SIMC1: variants seen among roughly 807,000 people sequenced by gnomAD.
The protein encoded by SIMC1 is SUMO interacting motifs containing 1, also known as SUMO-interacting motif-containing protein 1.
A neutral mutation model predicts 82.3 loss-of-function variants in SIMC1; 55 were observed. The observed-to-expected ratio is 0.67, with a 90% CI of 0.54 to 0.84. SIMC1 has a LOEUF of 0.84. Among genes scored for constraint, SIMC1 ranks in the 40% least tolerant of loss-of-function variants. SIMC1 has a pLI of 0.00. For missense variants in SIMC1, 915 were observed against 1,107.2 expected, an observed-to-expected ratio of 0.83 and a Z score of 2.46; for synonymous variants, 353 against 426.3, an observed-to-expected ratio of 0.83 and a Z score of 2.12.
intron 9 of SIMC1, among the ~76,000 whole-genome samples, chr5:176,339,318 C>T (rs922171139): frequency 1.2e-4 from 19 of 152,012 alleles, no homozygotes; most frequent in African/African-American, 3.9e-4. Context: ...GAGCCAAGAT[C>T]GTACCACTAC....
intron 9 of SIMC1, among the ~76,000 whole-genome samples, 185 bp downstream of exon 9, chr5:176,337,331 T>C (rs942896363): frequency 6.6e-6 from 1 of 152,244 alleles, no homozygotes; most frequent in African/African-American, 2.4e-5. Flanking sequence ...ATTCTTGTTA[T>C]GGCCGACAAT....
At chr5:176,306,248 A>G (rs1226229909) in intron 4 of SIMC1, among the ~76,000 whole-genome samples, 24 of 91,736 alleles carry the variant, frequency 2.6e-4, no homozygotes, top group African/African-American at 9.0e-4. Context: ...GGAAGTGAGG[A>G]GCCCCTCTGC....
intron 7 of SIMC1, among the ~76,000 whole-genome samples, chr5:176,331,960 C>T (rs1175514979): frequency 2.0e-5 from 3 of 151,418 alleles, no homozygotes; most frequent in African/African-American, 7.3e-5. Flanking sequence ...CAGAGCAAGA[C>T]TGTCTAAAAA....
At chr5:176,303,622 T>C (rs1561708390) in intron 4 of SIMC1, among the ~76,000 whole-genome samples, 1 of 152,160 alleles carries the variant, frequency 6.6e-6, no homozygotes. Context: ...GCCCGGCCAG[T>C]CAAAGCAATC....
At chr5:176,288,954 CATT>C (rs1383801546) in intron 1 of SIMC1, among the ~76,000 whole-genome samples, 1 of 152,084 alleles carries the variant, frequency 6.6e-6, no homozygotes, top group East Asian at 1.9e-4. Context: ...CGGAAGTTTT[CATT>C]AATTTACTTA....
At chr5:176,288,537 G>A (rs1257080513) in intron 1 of SIMC1, among the ~76,000 whole-genome samples, 1 of 152,176 alleles carries the variant, frequency 6.6e-6, no homozygotes, top group Admixed American at 6.6e-5. Context: ...TGGCCTTTCA[G>A]CTATTTATGT....
At chr5:176,283,829 GATC>G (rs1182877289) in intron 1 of SIMC1, among the ~76,000 whole-genome samples, 1 of 152,088 alleles carries the variant, frequency 6.6e-6, no homozygotes, top group East Asian at 1.9e-4. Context: ...GATGGAGGAA[GATC>G]TACCAAGCAA....
chr5:176,322,375 C>A lies in SIMC1; in HGVS notation c.1992C>A (p.Ser664Arg). ...CAGGAACAGGAATCTTGAAAGCCAG[C>A]AGTAGCCACCCTTCTTCCCAGCCCA... ...TSSGTGILKA[S>R]SSHPSSQPNL... Residue 664 changes from serine (S) to arginine (R), a missense_variant, in exon 6 of 10, where the codon AGC becomes AGA. Physicochemically the swap from Ser to Arg is moderately radical, Grantham distance 110. Coordinates refer to ENST00000429602, the MANE Select transcript of SIMC1 (RefSeq NM_001308195.2). 6.2e-7 allele frequency: 1 copy of A among 1,607,576 alleles called. No homozygotes were observed. Among genetic ancestry groups the A allele is most frequent in the East Asian group, 2.2e-5 (1 of 44,748 alleles).
chr5:176,272,425 T>C (rs1027386623), intron 1 of SIMC1, among the ~76,000 whole-genome samples: 6 of 151,214 alleles, frequency 4.0e-5, no homozygotes, highest in Non-Finnish European at 8.8e-5. Context: ...GTAAGACTTA[T>C]TTGCAGACAA....
At chr5:176,284,784 AC>A (rs1278272229) in intron 1 of SIMC1, among the ~76,000 whole-genome samples, 1 of 152,198 alleles carries the variant, frequency 6.6e-6, no homozygotes, top group Non-Finnish European at 1.5e-5. Context: ...CACCGATCCC[AC>A]AGAAATACAA....
At chr5:176,312,972 G>A (rs1764729701) in intron 4 of SIMC1, 2 of 157,786 alleles carry the variant, frequency 1.3e-5, no homozygotes, top group South Asian at 3.7e-4. Context: ...AGGACAGTAA[G>A]TCCTAGAGGG....
intron 9 of SIMC1, among the ~76,000 whole-genome samples, chr5:176,344,468 TACACACACACACACACAC>T (rs57991528): frequency 1.0e-3 from 148 of 146,646 alleles, no homozygotes; most frequent in Non-Finnish European, 2.0e-3. Flanking sequence ...GTCAGGAGTA[TACACACACACACACACAC>T]ACACACACAC....
intron 1 of SIMC1, among the ~76,000 whole-genome samples, chr5:176,249,308 A>C (rs1300953778): frequency 7.9e-5 from 12 of 151,966 alleles, no homozygotes; most frequent in Non-Finnish European, 1.2e-4. Flanking sequence ...CAGAGATTCA[A>C]CTTCTTCCTG....
chr5:176,265,042 AC>A (rs939367921), intron 1 of SIMC1, among the ~76,000 whole-genome samples: 3 of 152,312 alleles, frequency 2.0e-5, no homozygotes, highest in African/African-American at 2.4e-5. Flanking sequence ...TAAAAGGCTT[AC>A]AGATTGGAAA....
chr5:176,340,034 GAGA>G (rs1766061132), intron 9 of SIMC1, among the ~76,000 whole-genome samples: 2 of 152,196 alleles, frequency 1.3e-5, no homozygotes, highest in Non-Finnish European at 1.5e-5. Context: ...GCAAGAGTGG[GAGA>G]AGAAGGGAAG....
rs1190329649 is a variant in SIMC1 at position 176,324,624 on chromosome 5, C to A, written c.2043-5C>A. ...ACTCATCTGTGTCCTATGTTCTGGA[C>A]TCAGGATTGTGTGCCAGCTTCAGAG... On this transcript the variant is annotated splice_region_variant and splice_polypyrimidine_tract_variant and intron_variant, in intron 6 of 9. Transcript: ENST00000429602. The A allele has an allele frequency of 6.2e-7, 1 of 1,610,814 alleles. No homozygotes were observed. Among genetic ancestry groups the A allele is most frequent in the East Asian group, 2.2e-5 (1 of 44,822 alleles).
chr5:176,330,311 G>A (rs556035763), intron 7 of SIMC1, among the ~76,000 whole-genome samples: 1 of 151,378 alleles, frequency 6.6e-6, no homozygotes, highest in Non-Finnish European at 1.5e-5. Context: ...TGAGGCAGGA[G>A]AATCGCTTGA....
chr5:176,247,278 T>G (rs905916806), intron 1 of SIMC1, among the ~76,000 whole-genome samples: 16 of 152,192 alleles, frequency 1.1e-4, no homozygotes, highest in Non-Finnish European at 2.2e-4. Flanking sequence ...TGTTGGTTCC[T>G]GACTTTTTAA....
At chr5:176,259,645 C>T (rs1761950916) in intron 1 of SIMC1, among the ~76,000 whole-genome samples, 1 of 151,624 alleles carries the variant, frequency 6.6e-6, no homozygotes, top group Non-Finnish European at 1.5e-5. Context: ...TGGTGGCACG[C>T]GCCTGTAGTC....
Sources: gnomAD v4.1 joint callset for allele counts (sites outside exome capture counted in the v4.1 genomes callset) on GRCh38, gnomAD v4.1.1 for gene constraint, MANE v1.5 for transcripts, NCBI Gene and HGNC (gene_info 2026-07-23, HGNC 2026-07-21) for gene names.